HOXC4: variants seen among roughly 807,000 people sequenced by gnomAD.
HOXC4 encodes homeobox protein Hox-C4.
In HOXC4, 15 loss-of-function variants were observed where a neutral mutation model predicts 25.5. That is an observed-to-expected ratio of 0.59 (90% CI 0.39 to 0.91). HOXC4 has a LOEUF of 0.91. HOXC4 is among the 40% of genes least tolerant of loss of function. The pLI is 0.00. For missense variants in HOXC4, 342 were observed against 352.4 expected (o/e 0.97, Z 0.24); for synonymous variants, 165 against 148.0 (o/e 1.11, Z -0.83).
chr12:54,055,281 A>AT lies in HOXC4; in HGVS notation c.*79dup, dbSNP rs1191231455. On this transcript the variant is annotated 3_prime_UTR_variant, in exon 2 of 2. Transcript: ENST00000430889. ...ACACAAATTGACTCTTATTTATAGA[A>AT]TTTAATATATATATATATATATATA... The AT allele has an allele frequency of 6.0e-5, 20 of 334,658 alleles. No individual in the cohort carries two copies. Among genetic ancestry groups the AT allele is most frequent in the Non-Finnish European group, 1.0e-4 (20 of 198,434 alleles). The allele number at this position is 334,658 out of a possible 1,614,324, so 20.7% of individuals were successfully genotyped here.
At chr12:54,021,590 C>G (rs1482905353) in intron 1 of HOXC4, 3 of 152,248 alleles carry the variant, frequency 2.0e-5, no homozygotes, top group Non-Finnish European at 4.4e-5. Flanking sequence ...TCTAGGTGAT[C>G]GGGTTCCTCC....
upstream of HOXC4, among the ~76,000 whole-genome samples, chr12:54,050,966 G>A (rs1937830699): frequency 6.6e-6 from 1 of 152,160 alleles, no homozygotes; most frequent in Non-Finnish European, 1.5e-5. Flanking sequence ...AACCCTCTGT[G>A]TCTACTACTT....
In HOXC4 at chr12:54,023,051, C is replaced by G. The variant is rs541341577; in HGVS notation, c.-124+5637C>G. ...GCCAAGCAGGGCCACTTGCTTTGCC[C>G]CCCTCAAGTGTCCCTAGGCATCTAA... On this transcript the variant is annotated intron_variant, in intron 1 of 3. Coordinates refer to the HOXC4 transcript ENST00000303406. Among the ~76,000 whole-genome samples, 25 of 152,252 alleles carry G rather than the reference C, an allele frequency of 1.6e-4. No homozygotes were observed. In the South Asian group the frequency reaches 5.0e-3, roughly 30 times the overall value.
At position 54,028,993 on chromosome 12, in the gene HOXC4, C is replaced by T. The variant is rs1291948063; in HGVS notation, c.-124+11579C>T. 6 of 1,453,014 alleles carry T rather than the reference C, an allele frequency of 4.1e-6. No individual in the cohort carries two copies. The Admixed American group carries it at 8.4e-5, about 20-fold the overall frequency. The allele number at this position is 1,453,014 out of a possible 1,614,324, so 90.0% of individuals were successfully genotyped here. A position where few individuals can be genotyped will look rare whatever the true frequency, so the allele number is the denominator to read the frequency against. On this transcript the variant is annotated intron_variant, in intron 1 of 3. Transcript: ENST00000303406. ...TTTATGACCGGCTTCCCTAGAAGAA[C>T]GGGCGGAGAGAGTTTTTTATGGCCC... is the stretch of plus-strand genomic sequence containing the variant.
At chr12:54,030,197 C>T in intron 1 of HOXC4, 1 of 457,280 alleles carries the variant, frequency 2.2e-6, no homozygotes. Flanking sequence ...TCGTTCTCGG[C>T]TTGTCTACAG....
intron 1 of HOXC4, chr12:54,021,003 A>C (rs1253483766): frequency 6.6e-6 from 1 of 152,324 alleles, no homozygotes; most frequent in Non-Finnish European, 1.5e-5. Context: ...GGCTGCAAGC[A>C]GTTCGGAGTA....
chr12:54,039,227 G>C (rs4759320), intron 1 of HOXC4, among the ~76,000 whole-genome samples: 42,992 of 151,920 alleles, frequency 0.28, 7,072 homozygotes, highest in East Asian at 0.4. Context: ...TGCCTGGGGA[G>C]CAGCGGTGTC....
In HOXC4 at chr12:54,055,285, AATATATATATAT is replaced by A. The variant is rs60894549; in HGVS notation, c.*96_*107del. On this transcript the variant is annotated 3_prime_UTR_variant, in exon 2 of 2. Coordinates refer to ENST00000430889, the MANE Select transcript of HOXC4 (RefSeq NM_153633.3). ...AAATTGACTCTTATTTATAGAATTTAATATATATATATATATATATATATATAGGTTCTTTTC... is the reference window on the plus strand; with the variant it reads ...AAATTGACTCTTATTTATAGAATTTAATATATATATATATAGGTTCTTTTC... 4.4e-6 allele frequency: 1 copy of A among 227,444 alleles called. No individual in the cohort carries two copies. The highest frequency in any genetic ancestry group is 7.6e-6 in the Non-Finnish European group (1 of 131,188). The allele number at this position is 227,444 out of a possible 1,614,324, so 14.1% of individuals were successfully genotyped here.
chr12:54,031,351 G>A (rs985675070), intron 1 of HOXC4, among the ~76,000 whole-genome samples: 7 of 152,212 alleles, frequency 4.6e-5, no homozygotes, highest in African/African-American at 1.7e-4. Context: ...CGGGACTGGA[G>A]CCCTGTCGGC....
chr12:54,027,013 AC>A (rs1940747732), intron 1 of HOXC4, among the ~76,000 whole-genome samples: 1 of 137,358 alleles, frequency 7.3e-6, no homozygotes, highest in South Asian at 2.3e-4. Context: ...ACTCCCCACC[AC>A]CCTTCTTTGT....
chr12:54,029,888 G>A (rs1940915543), intron 1 of HOXC4: 3 of 1,595,386 alleles, frequency 1.9e-6, no homozygotes, highest in Non-Finnish European at 2.6e-6. Flanking sequence ...GGGCGGCGGA[G>A]GGGCCACCGC....
intron 1 of HOXC4, among the ~76,000 whole-genome samples, chr12:54,029,403 G>GCC (rs1234645036): frequency 6.6e-4 from 39 of 58,860 alleles, no homozygotes; most frequent in Admixed American, 1.5e-3. Context: ...CTTTTGCCCC[G>GCC]CCCCCCCGCC....
At chr12:54,050,091 A>G (rs1436973039), upstream of HOXC4, among the ~76,000 whole-genome samples, 2 of 152,176 alleles carry the variant, frequency 1.3e-5, no homozygotes, top group African/African-American at 4.8e-5. Flanking sequence ...CTCCCTTGGA[A>G]AAATCAGAGA....
intron 1 of HOXC4, among the ~76,000 whole-genome samples, chr12:54,044,386 T>C (rs1229017078): frequency 6.6e-6 from 1 of 152,218 alleles, no homozygotes; most frequent in Non-Finnish European, 1.5e-5. Context: ...CAACGTTTCA[T>C]TTCCTTTTGC....
At chr12:54,029,765 C>G in intron 1 of HOXC4, 1 of 1,614,092 alleles carries the variant, frequency 6.2e-7, no homozygotes, top group South Asian at 1.1e-5. Flanking sequence ...GCGGCGCCGG[C>G]GCATCGAGAT....
At chr12:54,041,399 G>A (rs377281517) in intron 1 of HOXC4, among the ~76,000 whole-genome samples, 1 of 152,176 alleles carries the variant, frequency 6.6e-6, no homozygotes, top group Non-Finnish European at 1.5e-5. Flanking sequence ...CTGATCTCTT[G>A]CCCTCTTTGA....
chr12:54,020,318 T>C (rs1367032603), intron 1 of HOXC4: 1 of 152,284 alleles, frequency 6.6e-6, no homozygotes, highest in Non-Finnish European at 1.5e-5. Flanking sequence ...AGCCCACTCT[T>C]TGGGCACCCT....
intron 1 of HOXC4, chr12:54,048,038 G>A (rs1348038635): frequency 6.6e-6 from 1 of 152,118 alleles, no homozygotes; most frequent in African/African-American, 2.4e-5. Flanking sequence ...CTCCAACCCA[G>A]GATTCAAAGC....
chr12:54,025,529 G>GC (rs1437426629), intron 1 of HOXC4, among the ~76,000 whole-genome samples: 1 of 36,838 alleles, frequency 2.7e-5, no homozygotes, highest in Non-Finnish European at 7.0e-5. Context: ...AAGGTAATTG[G>GC]GGGGGGGGGA....
Sources: allele counts gnomAD v4.1 joint callset (sites outside exome capture counted in the v4.1 genomes callset), GRCh38; gene constraint gnomAD v4.1.1; transcripts MANE v1.5; gene names NCBI Gene and HGNC (gene_info 2026-07-23, HGNC 2026-07-21).